Variants in SGCE observed in about 807,000 individuals in gnomAD.
SGCE encodes the protein sarcoglycan epsilon, also known as epsilon-sarcoglycan.
A neutral mutation model predicts 57.8 loss-of-function variants in SGCE; 26 were observed. That is an observed-to-expected ratio of 0.45 (90% CI 0.33 to 0.62). The LOEUF is 0.62. Among genes scored for constraint, SGCE ranks in the 20% least tolerant of loss-of-function variants. The pLI, the probability that SGCE is intolerant of heterozygous loss-of-function variation, is 0.02. For synonymous variants in SGCE, 183 were observed against 189.5 expected (o/e 0.97, Z 0.28); for missense variants, 468 against 548.6 (o/e 0.85, Z 1.47).
intron 2 of SGCE, 182 bp from the exon 3 acceptor site, chr7:94,628,541 G>T: frequency 1.7e-6 from 1 of 571,862 alleles, no homozygotes; most frequent in Non-Finnish European, 3.1e-6. Flanking sequence ...AATCCTTTTG[G>T]TTGTTTAATT....
At chr7:94,606,226 T>TA (rs750802161) in intron 5 of SGCE, among the ~76,000 whole-genome samples, 48 of 152,132 alleles carry the variant, frequency 3.2e-4, no homozygotes, top group Admixed American at 2.1e-3. Context: ...ATACTCTTTA[T>TA]AAAAAATATC....
intron 5 of SGCE, among the ~76,000 whole-genome samples, chr7:94,605,644 A>G (rs1799999856): frequency 1.3e-5 from 2 of 152,110 alleles, no homozygotes; most frequent in Admixed American, 1.3e-4. Context: ...TACAAACTCT[A>G]AGACAATCAG....
chr7:94,616,122 C>G (rs937514719), intron 5 of SGCE, among the ~76,000 whole-genome samples: 3 of 152,058 alleles, frequency 2.0e-5, no homozygotes, highest in African/African-American at 7.2e-5. Flanking sequence ...AAATGCTCAT[C>G]AAGAAGGATG....
At chr7:94,643,854 T>C (rs1403724045) in intron 1 of SGCE, among the ~76,000 whole-genome samples, 1 of 152,174 alleles carries the variant, frequency 6.6e-6, no homozygotes, top group Non-Finnish European at 1.5e-5. Context: ...TATGTGAGAA[T>C]GGATTTCTCT....
chr7:94,623,419 A>G, intron 3 of SGCE, 22 bp from the exon 4 acceptor site: 1 of 1,459,404 alleles, frequency 6.9e-7, no homozygotes, highest in Non-Finnish European at 9.6e-7. Flanking sequence ...GGAAAACCAT[A>G]TTAAAGAAGT....
chr7:94,589,117 C>G (rs1249946676), intron 9 of SGCE: 1 of 231,228 alleles, frequency 4.3e-6, no homozygotes, highest in Non-Finnish European at 8.7e-6. Context: ...TATACACTTT[C>G]AGATCCAGAT....
rs537131197 is a variant in SGCE at position 94,626,966 on chromosome 7, TTAATC to T, written c.390+1231_390+1235del. ...TGACAATTATGCTGTTTTTCCTTCT[TTAATC>T]TAATAATGTGGTGAATTGCATTTAT... On this transcript the variant is annotated intron_variant, in intron 3 of 10. Transcript: ENST00000648936. The T allele has an allele frequency of 1.4e-4, 22 of 152,200 alleles. No individual in the cohort carries two copies. The East Asian group carries it at 2.5e-3, about 17-fold the overall frequency. The allele number at this position is 152,200 out of a possible 1,614,324, so 9.4% of individuals were successfully genotyped here. A position where few individuals can be genotyped will look rare whatever the true frequency, so the allele number is the denominator to read the frequency against.
intron 10 of SGCE, among the ~76,000 whole-genome samples, chr7:94,586,000 C>T (rs1281306074): frequency 1.5e-5 from 2 of 134,120 alleles, no homozygotes; most frequent in Non-Finnish European, 3.0e-5. Context: ...AACACAACAC[C>T]AGCAGCTAGT....
At chr7:94,634,604 G>T (rs1805291203) in intron 1 of SGCE, among the ~76,000 whole-genome samples, 2 of 152,166 alleles carry the variant, frequency 1.3e-5, no homozygotes, top group Admixed American at 1.3e-4. Flanking sequence ...AATGAGGCAG[G>T]GTTGCACATT....
chr7:94,655,899 G>C (rs936155886), intron 1 of SGCE, 91 bp downstream of exon 1: 26 of 771,404 alleles, frequency 3.4e-5, no homozygotes, highest in Non-Finnish European at 5.2e-5. Context: ...GTGCCCAAAG[G>C]GCGCGCTCAG....
intron 5 of SGCE, among the ~76,000 whole-genome samples, chr7:94,606,439 A>C (rs1468846357): frequency 2.6e-5 from 4 of 152,222 alleles, no homozygotes; most frequent in Non-Finnish European, 5.9e-5. Flanking sequence ...TCACTCCTTA[A>C]TGTGTATATG....
In SGCE at chr7:94,585,434, A is replaced by G; in HGVS notation, c.*65T>C. On this transcript the variant is annotated 3_prime_UTR_variant, in exon 11 of 11. Coordinates refer to ENST00000648936, the MANE Select transcript of SGCE (RefSeq NM_003919.3). ...AGCTCATGCATTATTGGAAGAGAAAAGAAATGTGATGTAACTGCTATATTG... is the reference window on the plus strand; with the variant it reads ...AGCTCATGCATTATTGGAAGAGAAAGGAAATGTGATGTAACTGCTATATTG... The G allele has an allele frequency of 6.8e-7, 1 of 1,478,724 alleles. No individual in the cohort carries two copies. 91.6% of individuals were successfully genotyped at this position (1,478,724 alleles called of 1,614,324 possible).
At chr7:94,640,492 A>T (rs1460935653) in intron 1 of SGCE, among the ~76,000 whole-genome samples, 2 of 152,132 alleles carry the variant, frequency 1.3e-5, no homozygotes, top group African/African-American at 4.8e-5. Context: ...CATTTTAGAC[A>T]TGATAGATTT....
chr7:94,638,981 A>C (rs956077922), intron 1 of SGCE, among the ~76,000 whole-genome samples: 1 of 152,242 alleles, frequency 6.6e-6, no homozygotes, highest in African/African-American at 2.4e-5. Flanking sequence ...GATACATGTT[A>C]AATGTACGTT....
intron 1 of SGCE, among the ~76,000 whole-genome samples, chr7:94,642,245 C>A (rs1215620613): frequency 1.3e-5 from 2 of 152,070 alleles, no homozygotes; most frequent in Non-Finnish European, 2.9e-5. Context: ...TTATGAATTT[C>A]TCTAATAAAT....
At chr7:94,635,348 T>C (rs753570382) in intron 1 of SGCE, among the ~76,000 whole-genome samples, 1 of 152,208 alleles carries the variant, frequency 6.6e-6, no homozygotes, top group Non-Finnish European at 1.5e-5. Flanking sequence ...TTTTAAGGTA[T>C]GTTGAGGATA....
chr7:94,628,150 A>T, intron 3 of SGCE, 52 bp downstream of exon 3: 1 of 1,394,888 alleles, frequency 7.2e-7, no homozygotes. Context: ...ACACACACAC[A>T]CACACACACA....
At chr7:94,622,335 A>C (rs1802921203) in intron 4 of SGCE, 1 of 152,166 alleles carries the variant, frequency 6.6e-6, no homozygotes, top group African/African-American at 2.4e-5. Flanking sequence ...GATTTATACA[A>C]TTCAACTACA....
intron 9 of SGCE, among the ~76,000 whole-genome samples, chr7:94,591,148 GTATT>G (rs1246090853): frequency 6.6e-6 from 1 of 152,202 alleles, no homozygotes; most frequent in Middle Eastern, 3.4e-3. Flanking sequence ...TTCACACAAT[GTATT>G]TATATTGGTT....
Sources: gnomAD v4.1 joint callset for allele counts (sites outside exome capture counted in the v4.1 genomes callset) on GRCh38, gnomAD v4.1.1 for gene constraint, MANE v1.5 for transcripts, NCBI Gene and HGNC (gene_info 2026-07-23, HGNC 2026-07-21) for gene names.